The following ETS1 variants were observed in gnomAD, a reference collection of about 807,000 sequenced individuals.
ETS1 encodes protein C-ets-1.
A neutral mutation model predicts 58.6 loss-of-function variants in ETS1; 15 were observed. The ratio of observed to expected loss-of-function variants is 0.26; its 90% CI spans 0.17 to 0.39. ETS1 has a LOEUF of 0.39. Ranked by LOEUF, ETS1 falls within the 10% of genes least tolerant of loss-of-function variation. ETS1 has a pLI of 1.00. For synonymous variants in ETS1, 214 were observed against 218.2 expected (o/e 0.98, Z 0.17); for missense variants, 417 against 610.5 (o/e 0.68, Z 3.34).
intron 8 of ETS1, among the ~76,000 whole-genome samples, chr11:128,466,730 G>A (rs902652933): frequency 1.3e-5 from 2 of 151,678 alleles, no homozygotes; most frequent in African/African-American, 2.4e-5. Flanking sequence ...ATTAAATTCA[G>A]GCCCTAGAAG....
chr11:128,557,412 G>C (rs1217344593), intron 2 of ETS1, among the ~76,000 whole-genome samples: 1 of 152,132 alleles, frequency 6.6e-6, no homozygotes, highest in African/African-American at 2.4e-5. Flanking sequence ...TGAGAAAATT[G>C]TATATAAAGC....
chr11:128,547,500 A>G (rs1411248817), intron 3 of ETS1, among the ~76,000 whole-genome samples: 1 of 152,244 alleles, frequency 6.6e-6, no homozygotes, highest in African/African-American at 2.4e-5. Context: ...GATAGCCAGT[A>G]AAAATGGCAA....
At chr11:128,485,118 A>G (rs751779117) in intron 6 of ETS1, 47 bp from the exon 7 acceptor site, 2 of 1,571,354 alleles carry the variant, frequency 1.3e-6, no homozygotes, top group Non-Finnish European at 1.7e-6. Flanking sequence ...ATTTGTACCT[A>G]AAATAAGCAG....
intron 2 of ETS1, among the ~76,000 whole-genome samples, chr11:128,564,601 C>G (rs557763997): frequency 7.2e-5 from 11 of 152,080 alleles, no homozygotes; most frequent in Admixed American, 3.3e-4. Flanking sequence ...GGCTGAAGGA[C>G]GGGGAGGGGG....
At chr11:128,512,008 C>G (rs1863405581) in intron 3 of ETS1, among the ~76,000 whole-genome samples, 1 of 152,182 alleles carries the variant, frequency 6.6e-6, no homozygotes, top group African/African-American at 2.4e-5. Flanking sequence ...TTAAGATGAA[C>G]TAGCAAACAA....
At chr11:128,537,103 C>T (rs766144382) in intron 3 of ETS1, among the ~76,000 whole-genome samples, 1 of 152,144 alleles carries the variant, frequency 6.6e-6, no homozygotes, top group Non-Finnish European at 1.5e-5. Context: ...TGATCCAAGT[C>T]AGCTGTGCAA....
chr11:128,556,198 A>T, intron 3 of ETS1, 93 bp downstream of exon 3: 1 of 1,111,380 alleles, frequency 9.0e-7, no homozygotes, highest in Non-Finnish European at 1.3e-6. Context: ...CGCATAAGCC[A>T]TGGCAGCTGT....
Position 128,490,014 on chromosome 11 carries a change from G to A in ETS1, c.334+443C>T, listed in dbSNP as rs2135460473. Among the ~76,000 whole-genome samples, 3 of 152,312 alleles carry A rather than the reference G, an allele frequency of 2.0e-5. 1 individual carries two copies. In the Middle Eastern group the frequency reaches 0.01, roughly 518 times the overall value. On this transcript the variant is annotated intron_variant, in intron 4 of 9. Coordinates refer to ENST00000392668, the MANE Select transcript of ETS1 (RefSeq NM_001143820.2). ...GCACTTGGTAATAACATTATTAGGT[G>A]CCTGTATTATACCAGATACTCTGCA...
chr11:128,505,334 T>G (rs1164273179), intron 3 of ETS1: 1 of 152,222 alleles, frequency 6.6e-6, no homozygotes, highest in Non-Finnish European at 1.5e-5. Context: ...ATCTAATTAA[T>G]GAAGCTATCT....
At chr11:128,538,771 C>T (rs1591650099) in intron 3 of ETS1, among the ~76,000 whole-genome samples, 1 of 151,278 alleles carries the variant, frequency 6.6e-6, no homozygotes, top group African/African-American at 2.4e-5. Context: ...CACACACACA[C>T]ACACACACAC....
intron 3 of ETS1, among the ~76,000 whole-genome samples, chr11:128,504,242 A>G (rs969552119): frequency 6.6e-6 from 1 of 152,202 alleles, no homozygotes; most frequent in Non-Finnish European, 1.5e-5. Context: ...TGGCCTCTAT[A>G]TCTCTTTGGC....
intron 8 of ETS1, among the ~76,000 whole-genome samples, chr11:128,477,772 C>T (rs887619438): frequency 2.6e-5 from 4 of 152,190 alleles, no homozygotes; most frequent in Admixed American, 1.3e-4. Context: ...CACATACTCG[C>T]TTTTCTGCAC....
At chr11:128,533,285 T>C (rs938152689) in intron 3 of ETS1, among the ~76,000 whole-genome samples, 7 of 152,184 alleles carry the variant, frequency 4.6e-5, no homozygotes, top group South Asian at 4.1e-4. Context: ...GCCGCCGCCA[T>C]TGCAGGAGAG....
chr11:128,563,744 C>T (rs1004882843), intron 2 of ETS1, among the ~76,000 whole-genome samples: 1 of 152,198 alleles, frequency 6.6e-6, no homozygotes, highest in African/African-American at 2.4e-5. Context: ...TCTTCATTCT[C>T]TCCCGAAGCC....
rs1278470230 is a variant in ETS1 at position 128,462,347 on chromosome 11, C to A, written c.*14G>T. On this transcript the variant is annotated 3_prime_UTR_variant, in exon 10 of 10. Transcript: ENST00000392668. ...GAAGGTCTCAGCAGGGTTTCCCCAG[C>A]CCCTTCAGTGCCATCACTCGTCGGC... 1.2e-6 allele frequency: 2 copies of A among 1,600,098 alleles called. No homozygotes were observed. The highest frequency in any genetic ancestry group is 1.7e-6 in the Non-Finnish European group (2 of 1,168,242).
intron 3 of ETS1, among the ~76,000 whole-genome samples, chr11:128,517,847 G>C (rs1301314885): frequency 6.6e-6 from 1 of 151,940 alleles, no homozygotes; most frequent in East Asian, 1.9e-4. Flanking sequence ...AGGGTGGTCT[G>C]GCCTCTTTAA....
At chr11:128,585,316 G>GAAGGAAGGAAGC (rs1865009614) in intron 1 of ETS1, among the ~76,000 whole-genome samples, 1 of 12,378 alleles carries the variant, frequency 8.1e-5, no homozygotes, top group Admixed American at 1.2e-3. Context: ...AGGGAGGGAA[G>GAAGGAAGGAAGC]AAGGAAGGAA....
intron 8 of ETS1, among the ~76,000 whole-genome samples, chr11:128,473,033 G>GA (rs894084498): frequency 3.3e-4 from 49 of 147,764 alleles, no homozygotes; most frequent in Middle Eastern, 3.4e-3. Context: ...CCTCTAAAAA[G>GA]AAAAAAAAAA....
chr11:128,497,734 C>A (rs1190978584), intron 3 of ETS1: 1 of 174,236 alleles, frequency 5.7e-6, no homozygotes, highest in Non-Finnish European at 1.1e-5. Flanking sequence ...CTGACATGCA[C>A]AAGCTATTTT....
Sources: allele counts gnomAD v4.1 joint callset (sites outside exome capture counted in the v4.1 genomes callset), GRCh38; gene constraint gnomAD v4.1.1; transcripts MANE v1.5; gene names NCBI Gene and HGNC (gene_info 2026-07-23, HGNC 2026-07-21).